RIMKLB: variants seen among roughly 807,000 people sequenced by gnomAD.
The protein encoded by RIMKLB is beta-citrylglutamate synthase B.
RIMKLB carries 7 observed loss-of-function variants against 32.0 expected under a neutral mutation model. That is an observed-to-expected ratio of 0.22 (90% CI 0.12 to 0.41). RIMKLB has a LOEUF of 0.41. RIMKLB is among the 10% of genes least tolerant of loss of function. The pLI, the probability that RIMKLB is intolerant of heterozygous loss-of-function variation, is 1.00. For synonymous variants in RIMKLB, 172 were observed against 185.1 expected, an observed-to-expected ratio of 0.93 and a Z score of 0.57; for missense variants, 289 against 498.7, an observed-to-expected ratio of 0.58 and a Z score of 4.00.
intron 2 of RIMKLB, among the ~76,000 whole-genome samples, chr12:8,737,708 TTCTC>T (rs1303706089): frequency 2.0e-5 from 3 of 152,088 alleles, no homozygotes; most frequent in Non-Finnish European, 4.4e-5. Context: ...AGGAAGGATT[TTCTC>T]TCTCTCTCTT....
intron 2 of RIMKLB, among the ~76,000 whole-genome samples, chr12:8,716,462 A>G (rs1391177748): frequency 6.9e-6 from 1 of 144,454 alleles, no homozygotes; most frequent in Non-Finnish European, 1.5e-5. Context: ...TTTAATTCAC[A>G]AGAGCCAGTA....
At chr12:8,698,707 TCCCCCC>T (rs954590046) in intron 1 of RIMKLB, among the ~76,000 whole-genome samples, 2 of 113,414 alleles carry the variant, frequency 1.8e-5, no homozygotes, top group African/African-American at 7.0e-5. Flanking sequence ...ACACTCCCCC[TCCCCCC>T]CCTTCCCACA....
intron 1 of RIMKLB, among the ~76,000 whole-genome samples, chr12:8,710,965 CAAAAAAAAAAA>C (rs748394546): frequency 3.0e-5 from 2 of 65,768 alleles, no homozygotes; most frequent in Admixed American, 1.7e-4. Context: ...ACATCTTTAC[CAAAAAAAAAAA>C]AAAAAAAAAA....
the RIMKLB span, among the ~76,000 whole-genome samples, chr12:8,674,845 C>G: frequency 5.0e-3 from 762 of 150,988 alleles, 10 homozygotes; most frequent in East Asian, 0.031. Flanking sequence ...CCACTGCGTC[C>G]AGCCTTTTGT....
At chr12:8,768,008 G>C (rs751534243) in intron 5 of RIMKLB, among the ~76,000 whole-genome samples, 2 of 152,290 alleles carry the variant, frequency 1.3e-5, no homozygotes, top group Admixed American at 1.3e-4. Context: ...GATGGCGGCA[G>C]GGCCACTTCC....
At chr12:8,720,697 G>A (rs1390582642) in intron 2 of RIMKLB, among the ~76,000 whole-genome samples, 3 of 152,072 alleles carry the variant, frequency 2.0e-5, no homozygotes, top group African/African-American at 4.8e-5. Context: ...CTGCCACCAC[G>A]CTCAGCTAAT....
At chr12:8,712,824 T>C (rs765115018) in intron 1 of RIMKLB, among the ~76,000 whole-genome samples, 16 of 152,350 alleles carry the variant, frequency 1.1e-4, no homozygotes, top group Admixed American at 2.6e-4. Flanking sequence ...AGCCTTTCCT[T>C]CCTGTAGTTT....
chr12:8,694,584 G>A (rs974989000), upstream of RIMKLB, among the ~76,000 whole-genome samples: 4 of 151,928 alleles, frequency 2.6e-5, no homozygotes, highest in Non-Finnish European at 5.9e-5. Flanking sequence ...AGTAGAGGCA[G>A]AGTTTCACCA....
At chr12:8,739,237 C>T (rs1591819833) in intron 2 of RIMKLB, among the ~76,000 whole-genome samples, 1 of 152,232 alleles carries the variant, frequency 6.6e-6, no homozygotes, top group East Asian at 1.9e-4. Flanking sequence ...CTGATGAGGG[C>T]CCACTTCCTG....
chr12:8,685,205 G>A (rs768528863), intron 1 of RIMKLB, among the ~76,000 whole-genome samples: 10 of 152,228 alleles, frequency 6.6e-5, no homozygotes, highest in African/African-American at 1.7e-4. Context: ...TGCTTGCCTT[G>A]GTCCTTTGTC....
chr12:8,718,651 C>CTATA (rs1333969603), intron 2 of RIMKLB, among the ~76,000 whole-genome samples: 5 of 98,390 alleles, frequency 5.1e-5, no homozygotes, highest in African/African-American at 2.0e-4. Flanking sequence ...CTCTCTCTCT[C>CTATA]TCTATATATA....
At chr12:8,725,097 T>A (rs181365144) in intron 2 of RIMKLB, among the ~76,000 whole-genome samples, 1 of 152,292 alleles carries the variant, frequency 6.6e-6, no homozygotes, top group East Asian at 1.9e-4. Flanking sequence ...ACCATCTTAT[T>A]TCACCAGCTT....
At chr12:8,777,561 C>A, downstream of RIMKLB, 1 of 1,270,050 alleles carries the variant, frequency 7.9e-7, no homozygotes, top group Non-Finnish European at 1.0e-6. Context: ...AATATTCTAA[C>A]TGCTTGCACT....
At chr12:8,772,305 T>G (rs1950474299) in intron 5 of RIMKLB, among the ~76,000 whole-genome samples, 1 of 152,254 alleles carries the variant, frequency 6.6e-6, no homozygotes, top group Admixed American at 6.5e-5. Context: ...TTGGATTTTT[T>G]AGTTGAGTAA....
intron 1 of RIMKLB, among the ~76,000 whole-genome samples, chr12:8,701,472 C>G (rs1312420968): frequency 6.6e-6 from 1 of 151,796 alleles, no homozygotes; most frequent in Non-Finnish European, 1.5e-5. Flanking sequence ...ACAAAAGCCA[C>G]AGAGCTAGCC....
At chr12:8,681,907 G>A (rs1283952988) in intron 1 of RIMKLB, 2 of 152,132 alleles carry the variant, frequency 1.3e-5, no homozygotes, top group African/African-American at 4.8e-5. Context: ...CAAATTTATA[G>A]CTGGTCAGTC....
intron 1 of RIMKLB, among the ~76,000 whole-genome samples, chr12:8,710,353 G>A (rs1312038008): frequency 6.7e-6 from 1 of 148,468 alleles, no homozygotes; most frequent in Non-Finnish European, 1.5e-5. Context: ...TGTCACCCAG[G>A]CTGGAGAGCA....
chr12:8,690,923 AAAAAC>A (rs757483238), intron 1 of RIMKLB, among the ~76,000 whole-genome samples: 1 of 152,138 alleles, frequency 6.6e-6, no homozygotes, highest in African/African-American at 2.4e-5. Context: ...GTCCGTCTCA[AAAAAC>A]AAAACAAAAC....
the RIMKLB span, among the ~76,000 whole-genome samples, chr12:8,676,369 C>T: frequency 7.6e-6 from 1 of 131,510 alleles, no homozygotes; most frequent in Non-Finnish European, 1.6e-5. Flanking sequence ...CCACTGTGCT[C>T]AACCCCCAAC....
Sources: gnomAD v4.1 joint callset for allele counts (sites outside exome capture counted in the v4.1 genomes callset) on GRCh38, gnomAD v4.1.1 for gene constraint, MANE v1.5 for transcripts, NCBI Gene and HGNC (gene_info 2026-07-23, HGNC 2026-07-21) for gene names.